The following CDKL1 variants were observed in gnomAD, a reference collection of about 807,000 sequenced individuals.
The protein encoded by CDKL1 is cyclin-dependent kinase-like 1.
A neutral mutation model predicts 42.0 loss-of-function variants in CDKL1; 41 were observed. That is an observed-to-expected ratio of 0.98 (90% confidence interval 0.76 to 1.27). The LOEUF is 1.27. CDKL1 is among the 50% of genes most tolerant of loss of function. The pLI, the probability that CDKL1 is intolerant of heterozygous loss-of-function variation, is 0.00. For missense variants in CDKL1, 394 were observed against 428.4 expected (o/e 0.92, Z 0.71); for synonymous variants, 153 against 158.6 (o/e 0.96, Z 0.26).
intron 3 of CDKL1, chr14:50,357,092 A>G (rs926701660): frequency 6.6e-5 from 10 of 152,320 alleles, no homozygotes; most frequent in Admixed American, 4.6e-4. Flanking sequence ...AGTTTAATTG[A>G]AGTGTCACTT....
intron 2 of CDKL1, among the ~76,000 whole-genome samples, chr14:50,376,126 A>G (rs6572664): frequency 0.78 from 117,956 of 151,614 alleles, 46,360 homozygotes; most frequent in African/African-American, 0.89. Context: ...AAAGAAATGC[A>G]AATAAAGTAT....
intron 2 of CDKL1, among the ~76,000 whole-genome samples, chr14:50,366,015 G>A (rs1056236570): frequency 8.5e-5 from 13 of 152,308 alleles, no homozygotes; most frequent in African/African-American, 2.9e-4. Flanking sequence ...GAGGTTTTGG[G>A]ACTCAGCTTG....
intron 2 of CDKL1, among the ~76,000 whole-genome samples, chr14:50,361,633 G>C (rs1045388318): frequency 6.6e-6 from 1 of 152,164 alleles, no homozygotes; most frequent in Non-Finnish European, 1.5e-5. Context: ...TCTTTATACG[G>C]GTGCTAATCC....
chr14:50,349,106 C>G (rs117806578), intron 3 of CDKL1, among the ~76,000 whole-genome samples: 1 of 152,160 alleles, frequency 6.6e-6, no homozygotes, highest in Non-Finnish European at 1.5e-5. Context: ...ATCAAAAACA[C>G]TGAGCACAAA....
intron 9 of CDKL1, chr14:50,331,083 ATTAG>A (rs1048361505): frequency 3.3e-5 from 5 of 152,144 alleles, no homozygotes; most frequent in Admixed American, 6.5e-5. Flanking sequence ...AAATATAGAA[ATTAG>A]TTAGGCATAC....
intron 2 of CDKL1, chr14:50,363,407 A>T (rs779575272): frequency 9.1e-5 from 14 of 153,192 alleles, no homozygotes; most frequent in African/African-American, 3.4e-4. Flanking sequence ...CTACTGTCTT[A>T]AACCTCTGAA....
chr14:50,335,349 G>A (rs2033205203), intron 7 of CDKL1: 2 of 642,336 alleles, frequency 3.1e-6, no homozygotes, highest in East Asian at 2.9e-5. Flanking sequence ...TATATAAAGG[G>A]AGCTGCAAAA....
intron 2 of CDKL1, among the ~76,000 whole-genome samples, chr14:50,381,698 C>T (rs376184757): frequency 6.6e-6 from 1 of 152,314 alleles, no homozygotes; most frequent in East Asian, 1.9e-4. Context: ...TCAATTATTT[C>T]ATTGGTTTTT....
intron 8 of CDKL1, chr14:50,333,918 T>A (rs1168399979): frequency 6.6e-6 from 1 of 151,008 alleles, no homozygotes; most frequent in Non-Finnish European, 1.5e-5. Flanking sequence ...TATATCAAGT[T>A]TTTAAATGTA....
chr14:50,359,116 C>T lies in CDKL1; in HGVS notation c.202G>A (p.Glu68Lys), dbSNP rs1228248408. 1 of 1,612,298 alleles carries T rather than the reference C, an allele frequency of 6.2e-7. No homozygotes were observed. Among genetic ancestry groups the T allele is most frequent in the South Asian group, 1.1e-5 (1 of 90,972 alleles). ...AGCCTCCGTTTCCTCCTGAAGACTT[C>T]CAGGAGGTTAACAAGGTTGGGATGC... is the stretch of plus-strand genomic sequence containing the variant. ...LKHPNLVNLLEVFRRKRRLHL... is the reference protein window; with the variant it reads ...LKHPNLVNLLKVFRRKRRLHL... The change falls in exon 3 of 10, where the codon GAA (glutamate) becomes AAA (lysine). Residue 68 changes from glutamate to lysine, a missense_variant. By Grantham distance (56) the Glu-to-Lys change is moderately conservative. Transcript: ENST00000395834.
chr14:50,330,288 C>CT (rs1399322807), intron 9 of CDKL1, 107 bp from the exon 10 acceptor site: 10 of 1,377,478 alleles, frequency 7.3e-6, no homozygotes, highest in Admixed American at 3.2e-5. Context: ...TATAGAAGTA[C>CT]TTTTTTTGCA....
rs978505166 is a variant in CDKL1 at position 50,334,430 on chromosome 14, T to C, written c.795+135A>G. The C allele has an allele frequency of 5.8e-6, 4 of 685,666 alleles. No homozygotes were observed. The African/African-American group carries it at 7.2e-5, about 12-fold the overall frequency. The allele number at this position is 685,666 out of a possible 1,614,324, so 42.5% of individuals were successfully genotyped here. A position where few individuals can be genotyped will look rare whatever the true frequency, so the allele number is the denominator to read the frequency against. On this transcript the variant is annotated intron_variant, in intron 8 of 9. Transcript: ENST00000395834. ...TCCCAAAGTGCTAGGATTACAGGTG[T>C]GAGCCACTGCCCAGCCAGGAGAAGA...
intron 3 of CDKL1, among the ~76,000 whole-genome samples, chr14:50,351,619 C>T (rs1398193596): frequency 1.3e-5 from 2 of 151,726 alleles, no homozygotes. Flanking sequence ...CCTGTAGTCC[C>T]AGCTACTTAG....
chr14:50,388,595 C>A (rs2035156716), intron 2 of CDKL1, among the ~76,000 whole-genome samples: 1 of 152,222 alleles, frequency 6.6e-6, no homozygotes, highest in Non-Finnish European at 1.5e-5. Context: ...TATGTTTACT[C>A]CCTTTGACCC....
intron 2 of CDKL1, among the ~76,000 whole-genome samples, chr14:50,382,325 C>T (rs1177013454): frequency 2.0e-5 from 3 of 152,004 alleles, no homozygotes; most frequent in Non-Finnish European, 4.4e-5. Context: ...TGGTAGCGGG[C>T]GCCTGTAGTC....
rs567112983 is a variant in CDKL1, at chr14:50,392,647, G to T, written c.168+3054C>A. On this transcript the variant is annotated intron_variant, in intron 2 of 9. Coordinates refer to ENST00000395834, the MANE Select transcript of CDKL1 (RefSeq NM_004196.7). ...TCCATCCCACATGGTGACCTCCTCC[G>T]GTCCCACAGCTTTAAATACCATCGA... Among the ~76,000 whole-genome samples, 11 of 151,750 alleles carry T rather than the reference G, an allele frequency of 7.2e-5. No homozygotes were observed. The South Asian group carries it at 1.9e-3, about 26-fold the overall frequency.
chr14:50,372,613 C>A (rs1342671302), intron 2 of CDKL1, among the ~76,000 whole-genome samples: 1 of 152,158 alleles, frequency 6.6e-6, no homozygotes, highest in Non-Finnish European at 1.5e-5. Flanking sequence ...TTAAAAAAAT[C>A]ACTGCCCAGA....
rs577290093 is a variant in CDKL1, at chr14:50,376,998, C to T, written c.169-17849G>A. ...TCTTAAGGATGTTTGGGAAAACGTT[C>T]CAAGCAGTAGGAGCAATCATTCCAA... On this transcript the variant is annotated intron_variant, in intron 2 of 9. Transcript: ENST00000395834. 9.8e-4 allele frequency among the ~76,000 whole-genome samples: 150 copies of T among 152,316 alleles called. 1 individual carries two copies. The highest frequency in any genetic ancestry group is 1.8e-3 in the Non-Finnish European group (125 of 68,034).
intron 2 of CDKL1, among the ~76,000 whole-genome samples, chr14:50,388,721 A>C (rs1471077257): frequency 6.6e-6 from 1 of 152,206 alleles, no homozygotes; most frequent in Non-Finnish European, 1.5e-5. Flanking sequence ...ACAGGGACAT[A>C]AATCATAGCG....
Sources: gnomAD v4.1 joint callset for allele counts (sites outside exome capture counted in the v4.1 genomes callset) on GRCh38, gnomAD v4.1.1 for gene constraint, MANE v1.5 for transcripts, NCBI Gene and HGNC (gene_info 2026-07-23, HGNC 2026-07-21) for gene names.